The following THOC5 variants were observed in gnomAD, a reference collection of about 807,000 sequenced individuals.
The protein encoded by THOC5 is Fms-interacting protein.
A neutral mutation model predicts 92.9 loss-of-function variants in THOC5; 43 were observed. The ratio of observed to expected loss-of-function variants is 0.46; its 90% CI spans 0.36 to 0.60. The LOEUF (loss-of-function observed/expected upper bound fraction) is 0.60. Among genes scored for constraint, THOC5 ranks in the 20% least tolerant of loss-of-function variants. THOC5 has a pLI of 0.00. For synonymous variants in THOC5, 296 were observed against 320.1 expected, an observed-to-expected ratio of 0.92 and a Z score of 0.80; for missense variants, 659 against 849.4, an observed-to-expected ratio of 0.78 and a Z score of 2.79.
chr22:29,516,503 C>T (rs1429816810), intron 17 of THOC5, among the ~76,000 whole-genome samples: 5 of 152,298 alleles, frequency 3.3e-5, no homozygotes, highest in Admixed American at 6.5e-5. Context: ...AACAGCACAA[C>T]GGCCCAAACA....
intron 1 of THOC5, among the ~76,000 whole-genome samples, chr22:29,552,524 G>A (rs1436702297): frequency 6.7e-6 from 1 of 150,232 alleles, no homozygotes; most frequent in Non-Finnish European, 1.5e-5. Context: ...GCCCCGTCCG[G>A]GAGGTGGGGG....
In THOC5 at chr22:29,507,856, T is replaced by C. The variant is rs1428902305; in HGVS notation, c.*601A>G. ...GAGTCAAAAGTTATACACGGATTTT[T>C]CAACTGTGCAGGGCAGGGGGTGTTG... On this transcript the variant is annotated 3_prime_UTR_variant, in exon 20 of 20. Coordinates refer to ENST00000490103, the MANE Select transcript of THOC5 (RefSeq NM_003678.5). 1 of 152,818 alleles carries C rather than the reference T, an allele frequency of 6.5e-6. No individual in the cohort carries two copies. The highest frequency in any genetic ancestry group is 1.5e-5 in the Non-Finnish European group (1 of 68,576). The allele number at this position is 152,818 out of a possible 1,614,324, so 9.5% of individuals were successfully genotyped here.
intron 11 of THOC5, 82 bp from the exon 12 acceptor site, chr22:29,526,028 G>T: frequency 3.7e-6 from 2 of 547,590 alleles, no homozygotes; most frequent in Non-Finnish European, 3.3e-6. Flanking sequence ...TAGTAAGGTG[G>T]GGGGGTCAAG....
chr22:29,517,596 G>A (rs1278099048), intron 15 of THOC5, among the ~76,000 whole-genome samples: 2 of 152,190 alleles, frequency 1.3e-5, no homozygotes, highest in Non-Finnish European at 1.5e-5. Context: ...CAGCACTTAT[G>A]GTGCTTTCTC....
intron 17 of THOC5, among the ~76,000 whole-genome samples, chr22:29,516,221 A>G (rs2063330446): frequency 6.6e-6 from 1 of 151,734 alleles, no homozygotes; most frequent in Admixed American, 6.6e-5. Context: ...GTGGTCACTT[A>G]TTAGGAGAAA....
At chr22:29,530,260 G>A (rs1362365595) in intron 8 of THOC5, among the ~76,000 whole-genome samples, 1 of 151,862 alleles carries the variant, frequency 6.6e-6, no homozygotes, top group Non-Finnish European at 1.5e-5. Flanking sequence ...GCTGGGTGTG[G>A]TGGCTCATGT....
intron 12 of THOC5, among the ~76,000 whole-genome samples, chr22:29,522,105 C>CT (rs1427539184): frequency 2.6e-5 from 4 of 151,766 alleles, no homozygotes; most frequent in African/African-American, 9.7e-5. Flanking sequence ...AATCCCAGCA[C>CT]TTTGAGAGGC....
In THOC5 at chr22:29,549,178, T is replaced by A; in HGVS notation, c.-11-20A>T. Reference sequence around the variant, plus strand: ...TTCCTCCTGTTAAGAGGAGAAAGTTTTTGAGATTCTTCTGGAGTCATAACA... The same window carrying A: ...TTCCTCCTGTTAAGAGGAGAAAGTTATTGAGATTCTTCTGGAGTCATAACA... On this transcript the variant is annotated intron_variant, in intron 1 of 19. Coordinates refer to ENST00000490103, the MANE Select transcript of THOC5 (RefSeq NM_003678.5). 6.2e-7 allele frequency: 1 copy of A among 1,609,016 alleles called. No homozygotes were observed. The highest frequency in any genetic ancestry group is 8.5e-7 in the Non-Finnish European group (1 of 1,175,734).
rs527518190 is a variant in THOC5, at chr22:29,520,536, C to T, written c.1278-432G>A. Among the ~76,000 whole-genome samples the T allele has an allele frequency of 2.0e-5, 3 of 152,088 alleles. No individual in the cohort carries two copies. The South Asian group carries it at 6.2e-4, about 32-fold the overall frequency. ...TGAGACAGGGTCTGGCTCTGTTGCC[C>T]CCAGGCTGGAGTACAGCGACATGAC... is the stretch of plus-strand genomic sequence containing the variant. On this transcript the variant is annotated intron_variant, in intron 13 of 19. Coordinates refer to ENST00000490103, the MANE Select transcript of THOC5 (RefSeq NM_003678.5).
rs778450214 is a variant in THOC5 at position 29,506,831 on chromosome 22, T to A, written c.*1626A>T. On this transcript the variant is annotated 3_prime_UTR_variant, in exon 20 of 20. Coordinates refer to ENST00000490103, the MANE Select transcript of THOC5 (RefSeq NM_003678.5). ...AGTACAGTTGATCTCTGAACAATAG[T>A]TTGGACTCTGTGGGTCTATTATATG... The A allele has an allele frequency of 4.6e-5, 7 of 152,178 alleles. No individual in the cohort carries two copies. The highest frequency in any genetic ancestry group is 8.8e-5 in the Non-Finnish European group (6 of 68,054). 9.4% of individuals were successfully genotyped at this position (152,178 alleles called of 1,614,324 possible).
Position 29,536,579 on chromosome 22 carries a change from G to A in THOC5, c.714+45C>T, listed in dbSNP as rs200949859. ...AAAGGGTGACATGACTTCTGGCAGC[G>A]CCTGGTCAGTGGTGAAGGCAAAGCA... On this transcript the variant is annotated intron_variant, in intron 7 of 19. Transcript: ENST00000490103. The A allele has an allele frequency of 1.6e-5, 18 of 1,159,542 alleles. 1 individual carries two copies. Among genetic ancestry groups the A allele is most frequent in the South Asian group, 2.4e-5 (2 of 81,812 alleles). 71.8% of individuals were successfully genotyped at this position (1,159,542 alleles called of 1,614,324 possible). A position where few individuals can be genotyped will look rare whatever the true frequency, so the allele number is the denominator to read the frequency against.
intron 3 of THOC5, 73 bp downstream of exon 3, chr22:29,544,387 C>T: frequency 6.6e-7 from 1 of 1,508,748 alleles, no homozygotes; most frequent in Non-Finnish European, 9.0e-7. Flanking sequence ...TCAGGAAGGG[C>T]CCTGGTAGGT....
At chr22:29,538,818 A>C (rs1268352784) in intron 6 of THOC5, among the ~76,000 whole-genome samples, 2 of 148,912 alleles carry the variant, frequency 1.3e-5, no homozygotes, top group African/African-American at 4.9e-5. Context: ...AAAAAAAAAA[A>C]AAAAAAAAAG....
In THOC5 at chr22:29,511,205, C is replaced by T; in HGVS notation, c.1889G>A (p.Cys630Tyr). 1.2e-6 allele frequency: 2 copies of T among 1,614,250 alleles called. No homozygotes were observed. The highest frequency in any genetic ancestry group is 1.7e-6 in the Non-Finnish European group (2 of 1,180,042). Residue 630 changes from cysteine to tyrosine, a missense_variant, in exon 19 of 20, where the codon TGT (cysteine) becomes TAT (tyrosine). Transcript: ENST00000490103. ...QLLTNQLQRL[C>Y]VLLDVYLETE... The stretch of plus-strand genomic sequence containing the variant: ...CTCCAGGTAAACATCCAGCAGCACA[C>T]ACAGCCGCTGCAGCTGGTTGGTCAA...
chr22:29,506,273 T>A lies in THOC5; in HGVS notation c.*2184A>T, dbSNP rs1173857647. 6.6e-6 allele frequency: 1 copy of A among 152,218 alleles called. No individual in the cohort carries two copies. The highest frequency in any genetic ancestry group is 1.5e-5 in the Non-Finnish European group (1 of 68,036). The allele number at this position is 152,218 out of a possible 1,614,324, so 9.4% of individuals were successfully genotyped here. A position where few individuals can be genotyped will look rare whatever the true frequency, so the allele number is the denominator to read the frequency against. ...CCTTTACTTTGACTTGCAGGAGTAT[T>A]ACAAAGGATGTAATTTTATGAACAT... On this transcript the variant is annotated 3_prime_UTR_variant, in exon 20 of 20. Transcript: ENST00000490103.
chr22:29,507,088 C>T lies in THOC5; in HGVS notation c.*1369G>A, dbSNP rs576073954. ...CTCTCACTACGTTGCCCAGGCTGGACCTGAACTCCTGGCCTCAAGGGATCC... is the reference window on the plus strand; with the variant it reads ...CTCTCACTACGTTGCCCAGGCTGGATCTGAACTCCTGGCCTCAAGGGATCC... On this transcript the variant is annotated 3_prime_UTR_variant, in exon 20 of 20. Transcript: ENST00000490103. The T allele has an allele frequency of 3.3e-5, 5 of 152,382 alleles. 1 individual carries two copies. The highest frequency in any genetic ancestry group is 1.2e-4 in the African/African-American group (5 of 41,546). The allele number at this position is 152,382 out of a possible 1,614,324, so 9.4% of individuals were successfully genotyped here.
At chr22:29,531,323 A>G (rs530430229) in intron 8 of THOC5, 5 of 985,426 alleles carry the variant, frequency 5.1e-6, no homozygotes, top group South Asian at 9.4e-5. Flanking sequence ...AGAGTCTCCA[A>G]AATTTTCTCA....
intron 17 of THOC5, among the ~76,000 whole-genome samples, chr22:29,514,970 GC>G (rs978748128): frequency 2.2e-4 from 33 of 152,010 alleles, no homozygotes; most frequent in Admixed American, 2.0e-3. Context: ...CTCCCAAAGT[GC>G]TGGGATTACA....
At chr22:29,536,816 A>C (rs1601436139) in intron 6 of THOC5, 78 bp from the exon 7 acceptor site, 2 of 804,552 alleles carry the variant, frequency 2.5e-6, no homozygotes. Context: ...GTCAGACTCC[A>C]CCTAATAGTA....
Sources: gnomAD v4.1 joint callset for allele counts (sites outside exome capture counted in the v4.1 genomes callset) on GRCh38, gnomAD v4.1.1 for gene constraint, MANE v1.5 for transcripts, NCBI Gene and HGNC (gene_info 2026-07-23, HGNC 2026-07-21) for gene names.